The following AP3B1 variants were observed in gnomAD, a reference collection of about 807,000 sequenced individuals.
AP3B1 encodes the protein adaptor related protein complex 3 subunit beta 1, also known as AP-3 complex subunit beta-1.
In AP3B1, 61 loss-of-function variants were observed where a neutral mutation model predicts 132.5. The observed-to-expected ratio is 0.46, with a 90% CI of 0.37 to 0.57. AP3B1 has a LOEUF of 0.57. AP3B1 is among the 20% of genes least tolerant of loss of function. The pLI is 0.00. For synonymous variants in AP3B1, 388 were observed against 438.3 expected (o/e 0.89, Z 1.43); for missense variants, 1,120 against 1,289.4 (o/e 0.87, Z 2.01).
intron 25 of AP3B1, among the ~76,000 whole-genome samples, chr5:78,018,671 AACACACACAC>A (rs3050070): frequency 1.4e-5 from 2 of 146,574 alleles, no homozygotes; most frequent in Middle Eastern, 3.3e-3. Flanking sequence ...AAGCTGGTGT[AACACACACAC>A]ACACACACAC....
intron 11 of AP3B1, among the ~76,000 whole-genome samples, chr5:78,166,635 C>T (rs1743641666): frequency 1.3e-5 from 2 of 152,054 alleles, no homozygotes; most frequent in South Asian, 4.2e-4. Context: ...CAAACAGAAG[C>T]AAATCAAGAT....
intron 8 of AP3B1, among the ~76,000 whole-genome samples, chr5:78,181,064 C>T (rs554943870): frequency 1.8e-4 from 28 of 151,976 alleles, no homozygotes; most frequent in Non-Finnish European, 3.7e-4. Context: ...CAGATACAAA[C>T]AGTATGGACT....
chr5:78,078,073 A>T (rs1749835106), intron 22 of AP3B1, among the ~76,000 whole-genome samples: 1 of 152,182 alleles, frequency 6.6e-6, no homozygotes, highest in African/African-American at 2.4e-5. Context: ...ACACATGTGC[A>T]CATGCTTGTA....
intron 12 of AP3B1, 44 bp downstream of exon 12, chr5:78,165,566 A>G (rs766660333): frequency 7.5e-7 from 1 of 1,331,138 alleles, no homozygotes; most frequent in Non-Finnish European, 1.1e-6. Context: ...TTAAGACTGA[A>G]CATATGTTTT....
At chr5:78,076,291 A>G (rs752169513) in intron 22 of AP3B1, among the ~76,000 whole-genome samples, 1 of 152,226 alleles carries the variant, frequency 6.6e-6, no homozygotes, top group Non-Finnish European at 1.5e-5. Context: ...CATCTTGTTT[A>G]CCACTATATC....
chr5:78,039,971 CA>C (rs1748003548), intron 22 of AP3B1, among the ~76,000 whole-genome samples: 1 of 150,672 alleles, frequency 6.6e-6, no homozygotes, highest in South Asian at 2.1e-4. Context: ...TTGGTTTTAA[CA>C]GTTTGTCAAT....
chr5:78,101,464 T>C (rs1422209684), intron 20 of AP3B1: 5 of 320,084 alleles, frequency 1.6e-5, no homozygotes, highest in South Asian at 2.8e-5. Flanking sequence ...TTTTCTGATA[T>C]AGTTTGTGAC....
At chr5:78,041,566 AAAT>A (rs1406280152) in intron 22 of AP3B1, among the ~76,000 whole-genome samples, 6 of 151,806 alleles carry the variant, frequency 4.0e-5, no homozygotes, top group South Asian at 2.1e-4. Flanking sequence ...CTCAAAAAAA[AAAT>A]AATAATAATA....
chr5:78,128,532 C>T (rs1187707584), intron 16 of AP3B1, among the ~76,000 whole-genome samples: 2 of 152,138 alleles, frequency 1.3e-5, no homozygotes, highest in South Asian at 2.1e-4. Flanking sequence ...TGCTTTTTAT[C>T]GCTTTAAAAT....
At chr5:78,075,588 T>A (rs1182985088) in intron 22 of AP3B1, among the ~76,000 whole-genome samples, 2 of 152,234 alleles carry the variant, frequency 1.3e-5, no homozygotes, top group Non-Finnish European at 2.9e-5. Flanking sequence ...CAATTTCCCA[T>A]ATTCCTTTGA....
chr5:78,067,312 A>G (rs1353986568), intron 22 of AP3B1, among the ~76,000 whole-genome samples: 3 of 152,198 alleles, frequency 2.0e-5, no homozygotes, highest in African/African-American at 7.2e-5. Context: ...CTCCCATATG[A>G]TAATAGTGGG....
intron 24 of AP3B1, among the ~76,000 whole-genome samples, chr5:78,023,663 C>T (rs971888455): frequency 6.6e-6 from 1 of 152,096 alleles, no homozygotes; most frequent in Non-Finnish European, 1.5e-5. Context: ...AGAAGAAAAG[C>T]AACTTGCAGA....
intron 13 of AP3B1, among the ~76,000 whole-genome samples, chr5:78,158,684 C>T (rs979950779): frequency 1.3e-5 from 2 of 151,362 alleles, no homozygotes; most frequent in African/African-American, 4.9e-5. Flanking sequence ...TTCTATGTTA[C>T]GATAGGCAGG....
At chr5:78,015,344 T>C in intron 26 of AP3B1, 66 bp downstream of exon 26, 1 of 1,504,942 alleles carries the variant, frequency 6.6e-7, no homozygotes, top group South Asian at 1.2e-5. Context: ...AACAATGAAT[T>C]TAAAATTATA....
At position 78,110,862 on chromosome 5, in the gene AP3B1, G is replaced by A. The variant is rs112937601; in HGVS notation, c.2250-508C>T. 7.4e-3 allele frequency among the ~76,000 whole-genome samples: 1,115 copies of A among 151,338 alleles called. 10 individuals are homozygous for A. The highest frequency in any genetic ancestry group is 0.026 in the African/African-American group (1,057 of 41,420). ...CAGCCTTGACCTCCCGGGCTCAAGC[G>A]ATGCTCCCATTTCAGCCTCCCAAGT... On this transcript the variant is annotated intron_variant, in intron 19 of 26. Coordinates refer to ENST00000255194, the MANE Select transcript of AP3B1 (RefSeq NM_003664.5).
chr5:78,005,776 G>T (rs1413312693), intron 26 of AP3B1, among the ~76,000 whole-genome samples: 1 of 152,162 alleles, frequency 6.6e-6, no homozygotes, highest in Non-Finnish European at 1.5e-5. Flanking sequence ...AAATTGGTTT[G>T]TTTTGGCCCT....
At chr5:78,028,508 G>A (rs549456659) in intron 24 of AP3B1, among the ~76,000 whole-genome samples, 2 of 151,932 alleles carry the variant, frequency 1.3e-5, no homozygotes, top group Non-Finnish European at 2.9e-5. Flanking sequence ...TGCAAATGGC[G>A]TTTACTTGCC....
At chr5:78,120,226 A>G (rs1580372305) in intron 17 of AP3B1, among the ~76,000 whole-genome samples, 5 of 152,338 alleles carry the variant, frequency 3.3e-5, no homozygotes, top group African/African-American at 1.2e-4. Context: ...AGTACCAGCC[A>G]CTGCAAAAAA....
chr5:78,137,362 T>G (rs1752964025), intron 15 of AP3B1, among the ~76,000 whole-genome samples: 1 of 152,162 alleles, frequency 6.6e-6, no homozygotes, highest in South Asian at 2.1e-4. Context: ...GCCAAAAACT[T>G]AGGTACAATT....
Sources: gnomAD v4.1 joint callset for allele counts (sites outside exome capture counted in the v4.1 genomes callset) on GRCh38, gnomAD v4.1.1 for gene constraint, MANE v1.5 for transcripts, NCBI Gene and HGNC (gene_info 2026-07-23, HGNC 2026-07-21) for gene names.